The following KCNJ1 variants were observed in gnomAD, a reference collection of about 807,000 sequenced individuals.
The protein encoded by KCNJ1 is potassium inwardly rectifying channel subfamily J member 1.
In KCNJ1, 24 loss-of-function variants were observed where a neutral mutation model predicts 21.9. The observed-to-expected ratio is 1.10, with a 90% CI of 0.79 to 1.54. KCNJ1 has a LOEUF of 1.54. Ranked by LOEUF, KCNJ1 falls within the 40% of genes most tolerant of loss-of-function variation. KCNJ1 has a pLI of 0.00. For synonymous variants in KCNJ1, 152 were observed against 160.9 expected (o/e 0.94, Z 0.42); for missense variants, 457 against 455.4 (o/e 1.00, Z -0.03).
rs375194364 is a variant in KCNJ1, at chr11:128,839,022, C to T, written c.*103G>A. ...TCTTTGTGCTGGTAGACTTTGAAGG[C>T]TCTCATCCTACTTTCGTACCCCTAA... On this transcript the variant is annotated 3_prime_UTR_variant, in exon 3 of 3. Coordinates refer to ENST00000392666, the MANE Select transcript of KCNJ1 (RefSeq NM_153766.3). 6.5e-5 allele frequency: 66 copies of T among 1,016,836 alleles called. 1 individual carries two copies. In the South Asian group the frequency reaches 8.8e-4, roughly 14 times the overall value. 63.0% of individuals were successfully genotyped at this position (1,016,836 alleles called of 1,614,324 possible).
chr11:128,843,973 C>G (rs1943334781), intron 2 of KCNJ1, among the ~76,000 whole-genome samples: 1 of 152,180 alleles, frequency 6.6e-6, no homozygotes, highest in Admixed American at 6.5e-5. Context: ...AGTGGGAGCA[C>G]TCTGGGGAGC....
At chr11:128,862,672 T>G (rs919188264) in intron 1 of KCNJ1, among the ~76,000 whole-genome samples, 1 of 152,206 alleles carries the variant, frequency 6.6e-6, no homozygotes, top group South Asian at 2.1e-4. Flanking sequence ...ATAGGGACTG[T>G]GTCATCACAC....
At chr11:128,858,126 G>C (rs1246130311) in intron 1 of KCNJ1, among the ~76,000 whole-genome samples, 1 of 149,640 alleles carries the variant, frequency 6.7e-6, no homozygotes, top group Non-Finnish European at 1.5e-5. Flanking sequence ...GCAGGATGGG[G>C]AGGGATGGTG....
At chr11:128,846,324 G>T (rs1331532117) in intron 2 of KCNJ1, among the ~76,000 whole-genome samples, 1 of 152,192 alleles carries the variant, frequency 6.6e-6, no homozygotes, top group Non-Finnish European at 1.5e-5. Context: ...CATAGGTAAA[G>T]TTCCTAGAAA....
At chr11:128,865,912 C>T (rs1238373126) in intron 1 of KCNJ1, among the ~76,000 whole-genome samples, 2 of 152,126 alleles carry the variant, frequency 1.3e-5, no homozygotes, top group Non-Finnish European at 2.9e-5. Flanking sequence ...GATTAAGACC[C>T]ACTCACAAGG....
rs897889652 is a variant in KCNJ1 at position 128,850,884 on chromosome 11, A to G, written c.-185T>C. On this transcript the variant is annotated 5_prime_UTR_variant, in exon 2 of 3. Coordinates refer to ENST00000392666, the MANE Select transcript of KCNJ1 (RefSeq NM_153766.3). ...GGATGGGGATGAAGGCACAGTAGAG[A>G]AGAAACCTGGTAAAATACAACACAT... 6 of 985,304 alleles carry G rather than the reference A, an allele frequency of 6.1e-6. No homozygotes were observed. Among genetic ancestry groups the G allele is most frequent in the Non-Finnish European group, 7.2e-6 (6 of 829,900 alleles). The allele number at this position is 985,304 out of a possible 1,614,324, so 61.0% of individuals were successfully genotyped here. A position where few individuals can be genotyped will look rare whatever the true frequency, so the allele number is the denominator to read the frequency against.
rs73025219 is a variant in KCNJ1 at position 128,859,570 on chromosome 11, T to G, written c.-192+7603A>C. On this transcript the variant is annotated intron_variant, in intron 1 of 2. Transcript: ENST00000392666. ...GGACAGAACCCAGATCTTAACCTGA[T>G]GTCTCCACGCCAAGTTCCCTAAAGA... 1.7e-3 allele frequency among the ~76,000 whole-genome samples: 260 copies of G among 152,332 alleles called. 3 individuals are homozygous for G. In the Middle Eastern group the frequency reaches 0.031, roughly 18 times the overall value.
At chr11:128,847,127 A>T (rs1404986303) in intron 2 of KCNJ1, among the ~76,000 whole-genome samples, 15 of 152,112 alleles carry the variant, frequency 9.9e-5, no homozygotes, top group Admixed American at 9.8e-4. Context: ...ACTACTCCCT[A>T]ACAGCCCCTA....
intron 1 of KCNJ1, chr11:128,866,453 G>T: frequency 6.1e-6 from 3 of 490,034 alleles, no homozygotes; most frequent in Non-Finnish European, 8.0e-6. Flanking sequence ...GGTTGCGAAA[G>T]ACCAACTCCT....
intron 1 of KCNJ1, among the ~76,000 whole-genome samples, chr11:128,861,368 G>A (rs1943704299): frequency 6.6e-6 from 1 of 152,186 alleles, no homozygotes; most frequent in Non-Finnish European, 1.5e-5. Context: ...ACCATGGAGG[G>A]GCATGAGCTG....
In KCNJ1 at chr11:128,853,401, G is replaced by T. The variant is rs112845658; in HGVS notation, c.-191-2511C>A. Among the ~76,000 whole-genome samples, 772 of 152,358 alleles carry T rather than the reference G, an allele frequency of 5.1e-3. 8 individuals carry two copies. Among genetic ancestry groups the T allele is most frequent in the African/African-American group, 0.017 (714 of 41,580 alleles). On this transcript the variant is annotated intron_variant, in intron 1 of 2. Transcript: ENST00000392666. ...TGGACCTGGAAAACATTTGGCCAGTGAAAGAGGCCAGAGATTGTATGATTC... is the reference window on the plus strand; with the variant it reads ...TGGACCTGGAAAACATTTGGCCAGTTAAAGAGGCCAGAGATTGTATGATTC...
chr11:128,843,732 T>C (rs1040589544), intron 2 of KCNJ1, among the ~76,000 whole-genome samples: 1 of 152,350 alleles, frequency 6.6e-6, no homozygotes, highest in Middle Eastern at 3.4e-3. Flanking sequence ...ATACTTCAAC[T>C]GGCAGAAAAC....
At chr11:128,842,666 G>C (rs1017238763) in intron 2 of KCNJ1, 1 of 662,512 alleles carries the variant, frequency 1.5e-6, no homozygotes, top group African/African-American at 1.8e-5. Context: ...ATACCAACAT[G>C]CTAAGACATG....
Position 128,839,563 on chromosome 11 carries a change from C to G in KCNJ1, c.681G>C (p.Gln227His). 6.2e-7 allele frequency: 1 copy of G among 1,614,168 alleles called. No individual in the cohort carries two copies. The highest frequency in any genetic ancestry group is 8.5e-7 in the Non-Finnish European group (1 of 1,180,020). ...TPEGETIILD[Q>H]ININFVVDAG... Reference sequence around the variant, plus strand: ...CGTCAACTACAAAGTTGATATTGATCTGGTCCAAAATAATGGTCTCTCCTT... The same window carrying G: ...CGTCAACTACAAAGTTGATATTGATGTGGTCCAAAATAATGGTCTCTCCTT... Residue 227 changes from glutamine to histidine, a missense_variant, in exon 3 of 3, where the codon CAG becomes CAC. Coordinates refer to ENST00000392666, the MANE Select transcript of KCNJ1 (RefSeq NM_153766.3).
chr11:128,841,818 A>T (rs987494185), intron 2 of KCNJ1, among the ~76,000 whole-genome samples: 5 of 152,218 alleles, frequency 3.3e-5, no homozygotes, highest in Non-Finnish European at 1.5e-5. Flanking sequence ...TTCTAAAGAC[A>T]TAAAAAAAGA....
In KCNJ1 at chr11:128,839,693, CG is replaced by C. The variant is rs1943244338; in HGVS notation, c.550del (p.Arg184GlyfsTer8). On this transcript the variant is annotated frameshift_variant, in exon 3 of 3. Transcript: ENST00000392666. LOFTEE classifies it high-confidence loss of function. ...TFSKNAVISK[R>X]GGKLCLLIRV... Reference sequence around the variant, plus strand: ...GATTAGGAGGCAAAGCTTCCCTCCCCGTTTGCTGATCACTGCGTTCTTGCTG... The same window carrying C: ...GATTAGGAGGCAAAGCTTCCCTCCCCTTTGCTGATCACTGCGTTCTTGCTG... 3 of 1,613,198 alleles carry C rather than the reference CG, an allele frequency of 1.9e-6. No individual in the cohort carries two copies. The East Asian group carries it at 6.7e-5, about 36-fold the overall frequency.
In KCNJ1 at chr11:128,859,955, AG is replaced by A. The variant is rs201782844; in HGVS notation, c.-192+7217del. 4.8e-3 allele frequency among the ~76,000 whole-genome samples: 723 copies of A among 152,192 alleles called. 8 individuals are homozygous for A. The highest frequency in any genetic ancestry group is 0.016 in the African/African-American group (684 of 41,514). On this transcript the variant is annotated intron_variant, in intron 1 of 2. Coordinates refer to ENST00000392666, the MANE Select transcript of KCNJ1 (RefSeq NM_153766.3). ...CTGCAGACGGCGGGCAGCAAAGCGC[AG>A]GCGGGAGAGGAGGCGCGGCAAGGCC...
intron 1 of KCNJ1, among the ~76,000 whole-genome samples, chr11:128,863,843 G>C (rs907969419): frequency 2.0e-5 from 3 of 152,116 alleles, no homozygotes; most frequent in African/African-American, 7.2e-5. Flanking sequence ...TTTCTAAAAA[G>C]AATCCAGGAG....
intron 2 of KCNJ1, among the ~76,000 whole-genome samples, chr11:128,847,556 C>T (rs1299735231): frequency 6.6e-6 from 1 of 152,212 alleles, no homozygotes; most frequent in African/African-American, 2.4e-5. Context: ...TTAAAAATTT[C>T]AAGTTCGGCT....
Sources: gnomAD v4.1 joint callset for allele counts (sites outside exome capture counted in the v4.1 genomes callset) on GRCh38, gnomAD v4.1.1 for gene constraint, MANE v1.5 for transcripts, NCBI Gene and HGNC (gene_info 2026-07-23, HGNC 2026-07-21) for gene names.